FSTL4: variants seen among roughly 807,000 people sequenced by gnomAD.
FSTL4 encodes follistatin-related protein 4.
FSTL4 carries 28 observed loss-of-function variants against 78.2 expected under a neutral mutation model. That is an observed-to-expected ratio of 0.36 (90% CI 0.27 to 0.49). The LOEUF (loss-of-function observed/expected upper bound fraction) is 0.49, where lower values mean the gene tolerates loss of function less well. Ranked by LOEUF, FSTL4 falls within the 20% of genes least tolerant of loss-of-function variation. The probability of loss-of-function intolerance (pLI) is 0.98; values close to 1 mark genes in which losing one functional copy is unlikely to be tolerated. For synonymous variants in FSTL4, 422 were observed against 440.5 expected (o/e 0.96, Z 0.53); for missense variants, 922 against 1,084.9 (o/e 0.85, Z 2.11).
the FSTL4 span, among the ~76,000 whole-genome samples, chr5:133,833,497 G>C: frequency 6.6e-6 from 1 of 152,112 alleles, no homozygotes; most frequent in Non-Finnish European, 1.5e-5. Flanking sequence ...TAGAATCACG[G>C]GGAAGTTTCA....
the FSTL4 span, among the ~76,000 whole-genome samples, chr5:133,789,512 A>G: frequency 2.1e-3 from 321 of 152,332 alleles, 3 homozygotes; most frequent in African/African-American, 7.5e-3. Context: ...AAAAAGTAGA[A>G]GTCCCTTAAA....
intron 3 of FSTL4, among the ~76,000 whole-genome samples, chr5:133,516,040 T>C (rs1020346393): frequency 3.9e-5 from 6 of 152,142 alleles, no homozygotes; most frequent in African/African-American, 1.4e-4. Flanking sequence ...TAGCGCTATT[T>C]TTTTTTTGAA....
At chr5:133,781,449 G>A in the FSTL4 span, among the ~76,000 whole-genome samples, 1 of 151,790 alleles carries the variant, frequency 6.6e-6, no homozygotes, top group East Asian at 1.9e-4. Flanking sequence ...TGTTGTCTTA[G>A]AAGGGGTAGG....
chr5:133,264,079 C>G (rs1345473873), intron 6 of FSTL4, among the ~76,000 whole-genome samples: 1 of 152,092 alleles, frequency 6.6e-6, no homozygotes, highest in Non-Finnish European at 1.5e-5. Flanking sequence ...GTTGTCACAA[C>G]TTGGGGAGGG....
intron 4 of FSTL4, among the ~76,000 whole-genome samples, chr5:133,360,175 C>T (rs1420006548): frequency 6.6e-6 from 1 of 152,214 alleles, no homozygotes; most frequent in East Asian, 1.9e-4. Context: ...ATAAAGTACA[C>T]TCCAAGTACA....
chr5:133,539,683 T>G (rs1340851513), intron 3 of FSTL4, among the ~76,000 whole-genome samples: 1 of 152,154 alleles, frequency 6.6e-6, no homozygotes, highest in African/African-American at 2.4e-5. Context: ...TTTTGAGTCT[T>G]TCTTCCTTTC....
chr5:133,559,770 A>C (rs954198102), intron 3 of FSTL4, among the ~76,000 whole-genome samples: 2 of 152,216 alleles, frequency 1.3e-5, no homozygotes, highest in Admixed American at 1.3e-4. Flanking sequence ...ACACAGTTTA[A>C]GCTCCTTCTA....
chr5:133,349,890 T>A (rs1233267649), intron 4 of FSTL4, among the ~76,000 whole-genome samples: 10 of 113,988 alleles, frequency 8.8e-5, no homozygotes, highest in Admixed American at 2.0e-4. Flanking sequence ...ACTGTAAAGG[T>A]CCCATAGGAT....
chr5:133,779,430 C>CA, the FSTL4 span, among the ~76,000 whole-genome samples: 26 of 152,044 alleles, frequency 1.7e-4, no homozygotes, highest in Non-Finnish European at 2.9e-4. Context: ...ACTAAAAATA[C>CA]AAAAAATTAG....
rs1356614228 is a variant in FSTL4 at position 133,611,606 on chromosome 5, C to T, written c.-11+719G>A. ...GCTGAACGCCCCCAACACACTGCTC[C>T]CTAGACACGTTCAAGCGGGTACCCC... is the stretch of plus-strand genomic sequence containing the variant. On this transcript the variant is annotated intron_variant, in intron 1 of 15. Coordinates refer to ENST00000265342, the MANE Select transcript of FSTL4 (RefSeq NM_015082.2). The surrounding 1 kb of genome is among the most constrained non-coding windows in gnomAD (Gnocchi z 4.9). Among the ~76,000 whole-genome samples the T allele has an allele frequency of 6.6e-6, 1 of 152,182 alleles. No individual in the cohort carries two copies. The highest frequency in any genetic ancestry group is 2.1e-4 in the South Asian group (1 of 4,838).
At chr5:133,378,253 T>G (rs970420777) in intron 4 of FSTL4, among the ~76,000 whole-genome samples, 1 of 152,208 alleles carries the variant, frequency 6.6e-6, no homozygotes, top group African/African-American at 2.4e-5. Context: ...AAATATACAT[T>G]TATTCTCCTT....
At chr5:133,530,853 C>G (rs566501971) in intron 3 of FSTL4, among the ~76,000 whole-genome samples, 9 of 152,296 alleles carry the variant, frequency 5.9e-5, no homozygotes, top group African/African-American at 2.2e-4. Context: ...TGAGCTGGGC[C>G]AGAGACTCAG....
chr5:133,487,563 C>A (rs1315847807), intron 3 of FSTL4, among the ~76,000 whole-genome samples: 2 of 152,102 alleles, frequency 1.3e-5, no homozygotes, highest in African/African-American at 2.4e-5. Flanking sequence ...GAAGCTGTAC[C>A]CCATAGGGTT....
chr5:133,658,711 G>T, the FSTL4 span, among the ~76,000 whole-genome samples: 1 of 152,018 alleles, frequency 6.6e-6, no homozygotes, highest in Admixed American at 6.6e-5. Flanking sequence ...TAAGGATAAA[G>T]CTTAACTGTC....
chr5:133,326,347 TAC>T (rs1754211829), intron 4 of FSTL4, among the ~76,000 whole-genome samples: 1 of 152,198 alleles, frequency 6.6e-6, no homozygotes, highest in Non-Finnish European at 1.5e-5. Flanking sequence ...ACACATATGA[TAC>T]AGTCTTCTCA....
chr5:133,429,628 C>T (rs1286157923), intron 3 of FSTL4, among the ~76,000 whole-genome samples: 1 of 152,098 alleles, frequency 6.6e-6, no homozygotes, highest in Non-Finnish European at 1.5e-5. Flanking sequence ...TCTCCAGGCT[C>T]CTAAAGACTT....
chr5:133,791,400 G>T, the FSTL4 span, among the ~76,000 whole-genome samples: 1 of 151,700 alleles, frequency 6.6e-6, no homozygotes, highest in Admixed American at 6.6e-5. Context: ...ATATTTATTT[G>T]TTTATTGTCT....
chr5:133,836,094 T>A, the FSTL4 span, among the ~76,000 whole-genome samples: 1 of 152,188 alleles, frequency 6.6e-6, no homozygotes, highest in Non-Finnish European at 1.5e-5. Flanking sequence ...TAAAAATATG[T>A]CTCTAAGAAA....
At chr5:133,414,600 C>T (rs987784969) in intron 3 of FSTL4, among the ~76,000 whole-genome samples, 1 of 152,156 alleles carries the variant, frequency 6.6e-6, no homozygotes, top group Non-Finnish European at 1.5e-5. Context: ...CTAGGTAGTC[C>T]TTATTTTCTT....
Sources: allele counts gnomAD v4.1 joint callset (sites outside exome capture counted in the v4.1 genomes callset), GRCh38; gene constraint gnomAD v4.1.1; non-coding constraint Gnocchi (gnomAD v3.1); transcripts MANE v1.5; gene names NCBI Gene and HGNC (gene_info 2026-07-23, HGNC 2026-07-21).